CLDN16: variants seen among roughly 807,000 people sequenced by gnomAD.
CLDN16 encodes claudin 16.
Under a neutral mutation model 24.6 loss-of-function variants are expected in CLDN16, and 13 were observed. That is an observed-to-expected ratio of 0.53 (90% CI 0.34 to 0.84). The LOEUF (loss-of-function observed/expected upper bound fraction) is 0.84. Ranked by LOEUF, CLDN16 falls within the 40% of genes least tolerant of loss-of-function variation. CLDN16 has a pLI of 0.01. For synonymous variants in CLDN16, 116 were observed against 106.7 expected, an observed-to-expected ratio of 1.09 and a Z score of -0.54; for missense variants, 298 against 292.7, an observed-to-expected ratio of 1.02 and a Z score of -0.13.
At chr3:190,295,809 T>C in the CLDN16 span, among the ~76,000 whole-genome samples, 1 of 152,140 alleles carries the variant, frequency 6.6e-6, no homozygotes, top group African/African-American at 2.4e-5. Context: ...ATTAAGAAAA[T>C]ATTAAATGTA....
At chr3:190,388,852 CT>C (rs1410050410) in intron 1 of CLDN16, among the ~76,000 whole-genome samples, 1 of 152,034 alleles carries the variant, frequency 6.6e-6, no homozygotes, top group African/African-American at 2.4e-5. Flanking sequence ...GTGTGATAGA[CT>C]TTTTTTAAGG....
At chr3:190,371,899 C>T (rs2108647725) in intron 2 of CLDN16, among the ~76,000 whole-genome samples, 1 of 152,066 alleles carries the variant, frequency 6.6e-6, no homozygotes, top group East Asian at 2.0e-4. Flanking sequence ...TATCTGCTGT[C>T]CCAGGTCACC....
intron 1 of CLDN16, among the ~76,000 whole-genome samples, chr3:190,394,449 C>G (rs1249730412): frequency 1.3e-5 from 2 of 152,074 alleles, no homozygotes; most frequent in Non-Finnish European, 2.9e-5. Flanking sequence ...TCTGGGATTT[C>G]TATTTGCATT....
chr3:190,362,641 C>CAGTT (rs1198026758), intron 1 of CLDN16, among the ~76,000 whole-genome samples: 7 of 151,988 alleles, frequency 4.6e-5, no homozygotes, highest in African/African-American at 1.7e-4. Flanking sequence ...ACCAGTTGGG[C>CAGTT]AGTTACATTA....
At chr3:190,333,282 C>A (rs530779083) in intron 1 of CLDN16, among the ~76,000 whole-genome samples, 6 of 152,164 alleles carry the variant, frequency 3.9e-5, no homozygotes, top group East Asian at 3.9e-4. Flanking sequence ...ACTTTCAGAT[C>A]AAGGTGTGTT....
At chr3:190,341,847 G>A (rs111908797) in intron 1 of CLDN16, among the ~76,000 whole-genome samples, 5,983 of 151,998 alleles carry the variant, frequency 0.039, 393 homozygotes, top group African/African-American at 0.13. Flanking sequence ...TTCTTTCACC[G>A]GATACCCCAA....
intron 1 of CLDN16, among the ~76,000 whole-genome samples, chr3:190,393,806 A>G (rs1427408711): frequency 7.3e-6 from 1 of 137,800 alleles, no homozygotes; most frequent in African/African-American, 2.8e-5. Flanking sequence ...GCTGGAGTGC[A>G]GTGGCATGAT....
At chr3:190,297,174 C>T in the CLDN16 span, among the ~76,000 whole-genome samples, 1 of 96,666 alleles carries the variant, frequency 1.0e-5, no homozygotes, top group Non-Finnish European at 2.1e-5. Flanking sequence ...TGCTTTGCTT[C>T]CAGTCTTATG....
chr3:190,354,435 C>G (rs142770833), intron 1 of CLDN16, among the ~76,000 whole-genome samples: 2 of 151,876 alleles, frequency 1.3e-5, no homozygotes, highest in African/African-American at 2.4e-5. Context: ...TTTTTAATTA[C>G]TTTATATAAA....
intron 1 of CLDN16, among the ~76,000 whole-genome samples, chr3:190,398,418 A>G (rs1718874095): frequency 6.6e-6 from 1 of 152,128 alleles, no homozygotes; most frequent in Non-Finnish European, 1.5e-5. Context: ...TATCCCTCCA[A>G]TGTCTCTGCC....
intron 1 of CLDN16, among the ~76,000 whole-genome samples, chr3:190,361,648 TTAGG>T (rs1252308478): frequency 6.6e-6 from 1 of 151,942 alleles, no homozygotes; most frequent in Non-Finnish European, 1.5e-5. Flanking sequence ...TAGAAATTAT[TTAGG>T]CAGAAAGTGA....
At chr3:190,299,570 T>G in the CLDN16 span, among the ~76,000 whole-genome samples, 1 of 152,120 alleles carries the variant, frequency 6.6e-6, no homozygotes, top group African/African-American at 2.4e-5. Context: ...TATTTAAGTC[T>G]TTAACCTATG....
At chr3:190,299,836 C>G in the CLDN16 span, among the ~76,000 whole-genome samples, 1 of 152,192 alleles carries the variant, frequency 6.6e-6, no homozygotes, top group African/African-American at 2.4e-5. Flanking sequence ...ATAGGTACCA[C>G]TCATTTCTCC....
At chr3:190,408,187 C>A in intron 3 of CLDN16, 127 bp from the exon 4 acceptor site, 1 of 914,530 alleles carries the variant, frequency 1.1e-6, no homozygotes. Context: ...TCGGGTTGCC[C>A]ATGAATCCAT....
intron 1 of CLDN16, among the ~76,000 whole-genome samples, chr3:190,357,350 T>G (rs1314392344): frequency 6.6e-6 from 1 of 151,910 alleles, no homozygotes; most frequent in Non-Finnish European, 1.5e-5. Context: ...TTTGAAAATT[T>G]TCTCATATTC....
the CLDN16 span, among the ~76,000 whole-genome samples, chr3:190,296,744 G>A: frequency 6.6e-6 from 1 of 151,736 alleles, no homozygotes; most frequent in Non-Finnish European, 1.5e-5. Flanking sequence ...AGAGGTGGGG[G>A]TTTCACCGTG....
intron 1 of CLDN16, among the ~76,000 whole-genome samples, chr3:190,388,729 G>A (rs1033212432): frequency 3.3e-5 from 5 of 152,110 alleles, no homozygotes; most frequent in Non-Finnish European, 4.4e-5. Context: ...CTGCTACTGA[G>A]ACCTCCAGAA....
upstream of CLDN16, among the ~76,000 whole-genome samples, chr3:190,319,153 A>G (rs537110829): frequency 2.6e-5 from 4 of 152,322 alleles, no homozygotes; most frequent in African/African-American, 9.6e-5. Flanking sequence ...AGTAAGAAGA[A>G]GCATTTAAGC....
intron 1 of CLDN16, among the ~76,000 whole-genome samples, chr3:190,324,635 AG>A (rs1387535841): frequency 6.6e-6 from 1 of 152,150 alleles, no homozygotes; most frequent in African/African-American, 2.4e-5. Context: ...TGTGGTCAGC[AG>A]GGTCCCGTGT....
Sources: gnomAD v4.1 joint callset for allele counts (sites outside exome capture counted in the v4.1 genomes callset) on GRCh38, gnomAD v4.1.1 for gene constraint, MANE v1.5 for transcripts, NCBI Gene and HGNC (gene_info 2026-07-23, HGNC 2026-07-21) for gene names.